The following PIKFYVE variants were observed in gnomAD, a reference collection of about 807,000 sequenced individuals.
PIKFYVE encodes the protein phosphoinositide kinase, FYVE-type zinc finger containing, also known as 1-phosphatidylinositol 3-phosphate 5-kinase.
Under a neutral mutation model 257.9 loss-of-function variants are expected in PIKFYVE, and 122 were observed. The observed-to-expected ratio is 0.47, with a 90% CI of 0.41 to 0.55. The LOEUF is 0.55. PIKFYVE is among the 20% of genes least tolerant of loss of function. The probability of loss-of-function intolerance (pLI) is 0.00; values close to 1 mark genes in which losing one functional copy is unlikely to be tolerated. For missense variants in PIKFYVE, 2,160 were observed against 2,536.6 expected (o/e 0.85, Z 3.19); for synonymous variants, 892 against 868.9 (o/e 1.03, Z -0.47).
chr2:208,307,386 T>G (rs538605196), intron 12 of PIKFYVE, among the ~76,000 whole-genome samples: 1 of 152,154 alleles, frequency 6.6e-6, no homozygotes, highest in Non-Finnish European at 1.5e-5. Flanking sequence ...AAGAGGAAAG[T>G]GAAGTTCAGG....
chr2:208,305,287 A>T, intron 12 of PIKFYVE: 1 of 1,306,502 alleles, frequency 7.7e-7, no homozygotes, highest in Non-Finnish European at 9.8e-7. Context: ...TCTTCCCATA[A>T]TGTGCAACTT....
At chr2:208,324,450 G>A (rs1253650267) in intron 18 of PIKFYVE, among the ~76,000 whole-genome samples, 168 bp downstream of exon 18, 3 of 152,128 alleles carry the variant, frequency 2.0e-5, no homozygotes, top group African/African-American at 4.8e-5. Context: ...ATTTCAGACT[G>A]GAACTGGAAG....
At chr2:208,277,733 A>T in intron 5 of PIKFYVE, 25 bp downstream of exon 5, 2 of 1,610,336 alleles carry the variant, frequency 1.2e-6, no homozygotes, top group Non-Finnish European at 1.7e-6. Context: ...TTGCCAGTTT[A>T]CAATTTTTAA....
Position 208,357,778 on chromosome 2 carries a change from C to G in PIKFYVE, c.*2473C>G, listed in dbSNP as rs915708903. On this transcript the variant is annotated 3_prime_UTR_variant, in exon 42 of 42. Coordinates refer to ENST00000264380, the MANE Select transcript of PIKFYVE (RefSeq NM_015040.4). ...TGACTGTTTCCCTTTCCTTCAAGGC[C>G]TAGAGTATATTCTGAAAATTTAGGA... 5.3e-5 allele frequency: 8 copies of G among 152,020 alleles called. No individual in the cohort carries two copies. The highest frequency in any genetic ancestry group is 1.9e-4 in the African/African-American group (8 of 41,370). 9.4% of individuals were successfully genotyped at this position (152,020 alleles called of 1,614,324 possible).
chr2:208,353,516 A>G (rs1425071954), intron 39 of PIKFYVE, among the ~76,000 whole-genome samples: 1 of 144,524 alleles, frequency 6.9e-6, no homozygotes, highest in Non-Finnish European at 1.5e-5. Flanking sequence ...TATCAAAACT[A>G]TGTTTCTTAA....
intron 1 of PIKFYVE, chr2:208,269,433 C>T: frequency 4.1e-6 from 1 of 242,214 alleles, no homozygotes; most frequent in Non-Finnish European, 8.7e-6. Flanking sequence ...CAGCCATCTT[C>T]CCTCCCAGGG....
At chr2:208,351,316 G>C in intron 37 of PIKFYVE, 36 bp from the exon 38 acceptor site, 3 of 1,387,938 alleles carry the variant, frequency 2.2e-6, no homozygotes, top group Non-Finnish European at 3.1e-6. Context: ...AGTATATATT[G>C]TGATTGAGTA....
Position 208,326,343 on chromosome 2 carries a change from A to G in PIKFYVE, c.3532A>G (p.Ser1178Gly), listed in dbSNP as rs376424153. ...TTTTGCTCATTCAAAGGATGCATCA[A>G]GTACTTCAAGTGGCCAATCAGGAAG... Reference protein sequence around the residue: ...DPFAHSKDASSTSSGQSGSKN... With the variant: ...DPFAHSKDASGTSSGQSGSKN... The change falls in exon 20 of 42, where the codon AGT (serine) becomes GGT (glycine). Residue 1178 changes from serine to glycine, a missense_variant. Coordinates refer to ENST00000264380, the MANE Select transcript of PIKFYVE (RefSeq NM_015040.4). 3.0e-5 allele frequency: 49 copies of G among 1,613,656 alleles called. No homozygotes were observed. Among genetic ancestry groups the G allele is most frequent in the Middle Eastern group, 1.6e-4 (1 of 6,076 alleles).
chr2:208,306,201 G>A (rs971212515), intron 12 of PIKFYVE, among the ~76,000 whole-genome samples: 1 of 152,186 alleles, frequency 6.6e-6, no homozygotes, highest in African/African-American at 2.4e-5. Context: ...AATGAGACTT[G>A]ACTAGCATTG....
chr2:208,297,350 A>G (rs568969071), intron 7 of PIKFYVE, among the ~76,000 whole-genome samples: 1 of 152,224 alleles, frequency 6.6e-6, no homozygotes, highest in Non-Finnish European at 1.5e-5. Flanking sequence ...TTTCACTGAA[A>G]GACTATGCCA....
intron 32 of PIKFYVE, 120 bp downstream of exon 32, chr2:208,342,769 T>TGTTCTTTA (rs1698829154): frequency 1.4e-5 from 11 of 788,998 alleles, no homozygotes; most frequent in Non-Finnish European, 2.3e-5. Context: ...CAAAAATATA[T>TGTTCTTTA]GTTCTTTAGT....
chr2:208,273,800 A>T (rs1478972109), intron 3 of PIKFYVE, 67 bp downstream of exon 3: 1 of 1,584,590 alleles, frequency 6.3e-7, no homozygotes, highest in Non-Finnish European at 8.7e-7. Context: ...TGTGTTTCCT[A>T]GGTTGTTTAT....
At chr2:208,295,092 C>T (rs1337240920) in intron 7 of PIKFYVE, among the ~76,000 whole-genome samples, 1 of 152,172 alleles carries the variant, frequency 6.6e-6, no homozygotes, top group Non-Finnish European at 1.5e-5. Flanking sequence ...GGTTTCTGCT[C>T]CAGTGAGTTG....
intron 12 of PIKFYVE, 73 bp from the exon 13 acceptor site, chr2:208,312,163 T>C (rs1266716242): frequency 9.1e-7 from 1 of 1,097,080 alleles, no homozygotes; most frequent in South Asian, 1.3e-5. Flanking sequence ...ATTCTCTATA[T>C]AATTATGCTG....
chr2:208,314,056 A>G (rs1480363389), intron 13 of PIKFYVE, among the ~76,000 whole-genome samples: 1 of 152,210 alleles, frequency 6.6e-6, no homozygotes, highest in Non-Finnish European at 1.5e-5. Context: ...GCTGTTGCCA[A>G]TTACTGCTCT....
In PIKFYVE at chr2:208,327,528, G is replaced by T. The variant is rs150429673; in HGVS notation, c.3619-652G>T. On this transcript the variant is annotated intron_variant, in intron 20 of 41. Transcript: ENST00000264380. ...TAAAAAGCAAATTATGTTTTAATAT[G>T]TGTTGCATTATTCCATATTTATAAA... Among the ~76,000 whole-genome samples the T allele has an allele frequency of 5.3e-3, 805 of 152,258 alleles. 4 individuals carry two copies. Among genetic ancestry groups the T allele is most frequent in the African/African-American group, 0.018 (733 of 41,544 alleles).
intron 34 of PIKFYVE, among the ~76,000 whole-genome samples, 162 bp from the exon 35 acceptor site, chr2:208,347,697 A>T (rs887155298): frequency 1.3e-5 from 2 of 152,248 alleles, no homozygotes; most frequent in African/African-American, 4.8e-5. Context: ...TGAAACAATA[A>T]GTAACAACAT....
chr2:208,332,138 C>A (rs1404712119), intron 23 of PIKFYVE, among the ~76,000 whole-genome samples: 5 of 151,898 alleles, frequency 3.3e-5, no homozygotes, highest in South Asian at 2.1e-4. Flanking sequence ...TTTCTATGAG[C>A]CATGATAATA....
Position 208,304,856 on chromosome 2 carries a change from T to A in PIKFYVE, c.1479T>A (p.Ser493Arg), listed in dbSNP as rs778920572. Residue 493 changes from serine (S) to arginine (R), a missense_variant, in exon 12 of 42, where the codon AGT becomes AGA. Physicochemically the swap from Ser to Arg is moderately radical, Grantham distance 110. Coordinates refer to ENST00000264380, the MANE Select transcript of PIKFYVE (RefSeq NM_015040.4). ...EGDDNLANSA[S>R]PSKRTSVSSF... ...TCCCAACACTAAAAGATTCTGCCAG[T>A]CCTAGCAAGCGCACATCAGTCAGCA... 1.4e-5 allele frequency: 23 copies of A among 1,613,994 alleles called. No homozygotes were observed. The highest frequency in any genetic ancestry group is 3.3e-4 in the Middle Eastern group (2 of 6,082).
Sources: gnomAD v4.1 joint callset for allele counts (sites outside exome capture counted in the v4.1 genomes callset) on GRCh38, gnomAD v4.1.1 for gene constraint, MANE v1.5 for transcripts, NCBI Gene and HGNC (gene_info 2026-07-23, HGNC 2026-07-21) for gene names.